The following SEMA3E variants were observed in gnomAD, a reference collection of about 807,000 sequenced individuals.
The protein encoded by SEMA3E is semaphorin-3E.
In SEMA3E, 49 loss-of-function variants were observed where a neutral mutation model predicts 93.6. The ratio of observed to expected loss-of-function variants is 0.52; its 90% CI spans 0.42 to 0.66. The LOEUF is 0.66. SEMA3E is among the 30% of genes least tolerant of loss of function. SEMA3E has a pLI of 0.00. For synonymous variants in SEMA3E, 363 were observed against 330.7 expected (o/e 1.10, Z -1.06); for missense variants, 906 against 964.8 (o/e 0.94, Z 0.81).
At chr7:83,573,192 C>A (rs1259835918) in intron 1 of SEMA3E, among the ~76,000 whole-genome samples, 2 of 151,980 alleles carry the variant, frequency 1.3e-5, no homozygotes, top group East Asian at 1.9e-4. Flanking sequence ...GAACTTAAAT[C>A]AACAAGCAAA....
At chr7:83,622,890 C>T (rs1422053838) in intron 1 of SEMA3E, among the ~76,000 whole-genome samples, 1 of 151,938 alleles carries the variant, frequency 6.6e-6, no homozygotes, top group Admixed American at 6.6e-5. Flanking sequence ...GGGCTTAATA[C>T]TTAGGTGATG....
intron 5 of SEMA3E, among the ~76,000 whole-genome samples, chr7:83,416,175 G>C (rs1284989176): frequency 6.6e-6 from 1 of 152,098 alleles, no homozygotes; most frequent in African/African-American, 2.4e-5. Flanking sequence ...GGATGAAAGT[G>C]AGTGGATAAA....
At chr7:83,387,121 A>G (rs935713302) in intron 14 of SEMA3E, 71 bp from the exon 15 acceptor site, 1 of 1,243,386 alleles carries the variant, frequency 8.0e-7, no homozygotes, top group East Asian at 2.4e-5. Flanking sequence ...AGCCAATTGC[A>G]TTTCATATAC....
chr7:83,605,208 A>G (rs1327163525), intron 1 of SEMA3E, among the ~76,000 whole-genome samples: 1 of 152,156 alleles, frequency 6.6e-6, no homozygotes, highest in African/African-American at 2.4e-5. Context: ...AATCACCACA[A>G]TGTCTTCCAC....
At chr7:83,529,940 A>C (rs1791251963) in intron 1 of SEMA3E, among the ~76,000 whole-genome samples, 1 of 152,124 alleles carries the variant, frequency 6.6e-6, no homozygotes, top group Non-Finnish European at 1.5e-5. Context: ...ATATTTATTT[A>C]TAATCTAAAA....
intron 3 of SEMA3E, among the ~76,000 whole-genome samples, chr7:83,468,455 C>G (rs1789818919): frequency 6.6e-6 from 1 of 152,030 alleles, no homozygotes; most frequent in East Asian, 1.9e-4. Flanking sequence ...ATGCTGTGGG[C>G]TAAGGCAACA....
At chr7:83,398,061 T>G (rs1270412009) in intron 11 of SEMA3E, among the ~76,000 whole-genome samples, 1 of 152,158 alleles carries the variant, frequency 6.6e-6, no homozygotes, top group African/African-American at 2.4e-5. Flanking sequence ...GGACAAAATA[T>G]TATTTGTGGG....
At chr7:83,582,012 A>C (rs1326361169) in intron 1 of SEMA3E, among the ~76,000 whole-genome samples, 1 of 152,078 alleles carries the variant, frequency 6.6e-6, no homozygotes, top group Non-Finnish European at 1.5e-5. Flanking sequence ...AGAATACTGA[A>C]GTGTTTAAGG....
At chr7:83,550,410 T>A (rs1791741786) in intron 1 of SEMA3E, among the ~76,000 whole-genome samples, 1 of 152,124 alleles carries the variant, frequency 6.6e-6, no homozygotes, top group South Asian at 2.1e-4. Flanking sequence ...TGAACAGGCA[T>A]TACTTCATTT....
At chr7:83,525,598 T>C (rs886592034) in intron 1 of SEMA3E, among the ~76,000 whole-genome samples, 1 of 152,020 alleles carries the variant, frequency 6.6e-6, no homozygotes, top group Non-Finnish European at 1.5e-5. Context: ...TACAACTTCC[T>C]CTGAGATTTT....
chr7:83,551,311 T>C (rs1791760088), intron 1 of SEMA3E, among the ~76,000 whole-genome samples: 1 of 152,046 alleles, frequency 6.6e-6, no homozygotes, highest in African/African-American at 2.4e-5. Context: ...AATAACAAAA[T>C]ATAGCTACTC....
At chr7:83,629,549 G>C (rs945439697) in intron 1 of SEMA3E, among the ~76,000 whole-genome samples, 1 of 152,150 alleles carries the variant, frequency 6.6e-6, no homozygotes, top group Non-Finnish European at 1.5e-5. Context: ...GCTACGATGG[G>C]CTCTGCCCTA....
intron 1 of SEMA3E, among the ~76,000 whole-genome samples, chr7:83,636,574 C>T (rs1793886698): frequency 6.6e-6 from 1 of 152,104 alleles, no homozygotes; most frequent in South Asian, 2.1e-4. Context: ...TCAGTATTTT[C>T]AGACTCTAAT....
At chr7:83,455,074 T>G (rs960759979) in intron 4 of SEMA3E, among the ~76,000 whole-genome samples, 1 of 152,238 alleles carries the variant, frequency 6.6e-6, no homozygotes, top group Non-Finnish European at 1.5e-5. Context: ...TAGAGGAAAC[T>G]TTTATCAAAA....
chr7:83,536,752 C>T (rs1466784806), intron 1 of SEMA3E, among the ~76,000 whole-genome samples: 1 of 151,998 alleles, frequency 6.6e-6, no homozygotes, highest in Non-Finnish European at 1.5e-5. Flanking sequence ...TGACAGTGAC[C>T]TCATTGGCAT....
At chr7:83,428,495 T>C (rs185583119) in intron 4 of SEMA3E, among the ~76,000 whole-genome samples, 1 of 152,288 alleles carries the variant, frequency 6.6e-6, no homozygotes, top group East Asian at 1.9e-4. Flanking sequence ...TAAATAAACA[T>C]AATATGCAGT....
chr7:83,522,053 G>C (rs931341731), intron 1 of SEMA3E, among the ~76,000 whole-genome samples: 1 of 152,064 alleles, frequency 6.6e-6, no homozygotes, highest in African/African-American at 2.4e-5. Flanking sequence ...TATTTATACA[G>C]AAGCATTATA....
intron 1 of SEMA3E, among the ~76,000 whole-genome samples, chr7:83,632,724 A>C (rs1434073131): frequency 2.6e-5 from 4 of 152,234 alleles, no homozygotes; most frequent in Admixed American, 6.5e-5. Flanking sequence ...GAGGTCCATC[A>C]TGACTTATGT....
chr7:83,485,916 TA>T (rs1274012956), intron 2 of SEMA3E, among the ~76,000 whole-genome samples: 1 of 152,138 alleles, frequency 6.6e-6, no homozygotes, highest in African/African-American at 2.4e-5. Context: ...TGTTATGTTT[TA>T]AAAGATACTA....
Sources: gnomAD v4.1 joint callset for allele counts (sites outside exome capture counted in the v4.1 genomes callset) on GRCh38, gnomAD v4.1.1 for gene constraint, MANE v1.5 for transcripts, NCBI Gene and HGNC (gene_info 2026-07-23, HGNC 2026-07-21) for gene names.